The following ARHGEF33 variants were observed in gnomAD, a reference collection of about 807,000 sequenced individuals.
ARHGEF33 encodes the protein DH and coiled-coil domain-containing protein ENSP00000381780.
In ARHGEF33, 72 loss-of-function variants were observed where a neutral mutation model predicts 101.9. The ratio of observed to expected loss-of-function variants is 0.71; its 90% CI spans 0.58 to 0.86. The LOEUF (loss-of-function observed/expected upper bound fraction) is 0.86. ARHGEF33 is among the 40% of genes least tolerant of loss of function. ARHGEF33 has a pLI of 0.00. For synonymous variants in ARHGEF33, 499 were observed against 442.5 expected (o/e 1.13, Z -1.60); for missense variants, 1,169 against 1,111.3 (o/e 1.05, Z -0.74).
At chr2:38,972,904 T>C (rs1363938854) in intron 17 of ARHGEF33, 1 of 152,220 alleles carries the variant, frequency 6.6e-6, no homozygotes, top group East Asian at 1.9e-4. Context: ...ATATTGGTTC[T>C]TAGTGTCTGG....
chr2:38,958,273 C>T (rs1018351964), intron 15 of ARHGEF33, 75 bp downstream of exon 15: 211 of 1,507,998 alleles, frequency 1.4e-4, no homozygotes, highest in Admixed American at 2.2e-4. Flanking sequence ...GTTAGCAGGG[C>T]AGCCTAGATT....
chr2:38,934,159 CTGATAGTTTTTGGTACCCT>C (rs1424388042), intron 7 of ARHGEF33, among the ~76,000 whole-genome samples: 1 of 152,140 alleles, frequency 6.6e-6, no homozygotes, highest in Non-Finnish European at 1.5e-5. Flanking sequence ...CTTACCACTC[CTGATAGTTTTTGGTACCCT>C]TGATACCCAC....
chr2:38,950,979 C>A lies in ARHGEF33; in HGVS notation c.921-10C>A. 1 of 1,551,168 alleles carries A rather than the reference C, an allele frequency of 6.4e-7. No homozygotes were observed. Reference sequence around the variant, plus strand: ...TTGTTTGTGTGATTCCGTCTCTATTCTGTTTCAAGCCTCTTCCCTGGCTCT... The same window carrying A: ...TTGTTTGTGTGATTCCGTCTCTATTATGTTTCAAGCCTCTTCCCTGGCTCT... On this transcript the variant is annotated splice_polypyrimidine_tract_variant and intron_variant, in intron 10 of 17. Coordinates refer to ENST00000409978, the MANE Select transcript of ARHGEF33 (RefSeq NM_001145451.5).
intron 10 of ARHGEF33, among the ~76,000 whole-genome samples, chr2:38,946,262 A>G (rs1667448670): frequency 6.6e-6 from 1 of 152,070 alleles, no homozygotes; most frequent in African/African-American, 2.4e-5. Flanking sequence ...TATTTTTCTA[A>G]ATTGTTCTCT....
chr2:38,893,194 C>T (rs1030969699), intron 1 of ARHGEF33, among the ~76,000 whole-genome samples: 1 of 149,426 alleles, frequency 6.7e-6, no homozygotes, highest in African/African-American at 2.5e-5. Context: ...GACAAGGTCT[C>T]ACCCTGTTGC....
rs149230185 is a variant in ARHGEF33, at chr2:38,908,569, T to C, written c.-85-10794T>C. ...TTACTCTATCCTGACTGATCTTAGGTGAACAACAACAAAAATTAACATGCC... is the reference window on the plus strand; with the variant it reads ...TTACTCTATCCTGACTGATCTTAGGCGAACAACAACAAAAATTAACATGCC... On this transcript the variant is annotated intron_variant, in intron 2 of 17. Coordinates refer to ENST00000409978, the MANE Select transcript of ARHGEF33 (RefSeq NM_001145451.5). 2.9e-3 allele frequency among the ~76,000 whole-genome samples: 439 copies of C among 152,322 alleles called. 1 individual carries two copies. Among genetic ancestry groups the C allele is most frequent in the Non-Finnish European group, 5.1e-3 (345 of 68,034 alleles).
chr2:38,934,366 C>T (rs1401821494), intron 7 of ARHGEF33, among the ~76,000 whole-genome samples: 3 of 152,144 alleles, frequency 2.0e-5, no homozygotes, highest in African/African-American at 7.2e-5. Context: ...TCTCTTCAGA[C>T]TTATATTTTG....
At position 38,954,493 on chromosome 2, in the gene ARHGEF33, A is replaced by G. The variant is rs751637066; in HGVS notation, c.1221+37A>G. The G allele has an allele frequency of 1.1e-5, 14 of 1,251,408 alleles. 1 individual carries two copies. In the South Asian group the frequency reaches 1.4e-4, roughly 13 times the overall value. 77.5% of individuals were successfully genotyped at this position (1,251,408 alleles called of 1,614,324 possible). A position where few individuals can be genotyped will look rare whatever the true frequency, so the allele number is the denominator to read the frequency against. ...TGGGAAAGCCACCAAACTGATTTGC[A>G]TGCTAAGTAATTATTGGTTTTGGCT... On this transcript the variant is annotated intron_variant, in intron 13 of 17. Transcript: ENST00000409978.
chr2:38,930,354 C>CTT (rs879653317), intron 6 of ARHGEF33, among the ~76,000 whole-genome samples: 1 of 141,908 alleles, frequency 7.0e-6, no homozygotes, highest in Admixed American at 7.0e-5. Context: ...TCTTTCTTTT[C>CTT]TTTTTTTTTT....
At chr2:38,942,678 T>C (rs1465157705) in intron 9 of ARHGEF33, among the ~76,000 whole-genome samples, 1 of 152,186 alleles carries the variant, frequency 6.6e-6, no homozygotes, top group Non-Finnish European at 1.5e-5. Flanking sequence ...AAATTTTTAT[T>C]CTTTTGTATC....
intron 17 of ARHGEF33, among the ~76,000 whole-genome samples, chr2:38,971,030 A>G (rs1440951429): frequency 3.9e-5 from 6 of 152,184 alleles, no homozygotes; most frequent in South Asian, 2.1e-4. Flanking sequence ...ACCAGGGCTG[A>G]CTGACTGGCC....
At chr2:38,922,882 G>C (rs991191440) in intron 4 of ARHGEF33, among the ~76,000 whole-genome samples, 9 of 152,112 alleles carry the variant, frequency 5.9e-5, no homozygotes, top group South Asian at 2.1e-4. Context: ...TGTGGGCAGG[G>C]GGACTAGCTT....
chr2:38,898,418 C>T (rs963460145), intron 2 of ARHGEF33, among the ~76,000 whole-genome samples: 9 of 152,188 alleles, frequency 5.9e-5, no homozygotes, highest in African/African-American at 1.7e-4. Context: ...TCGCTCACTC[C>T]TGATTCAGCC....
intron 2 of ARHGEF33, among the ~76,000 whole-genome samples, chr2:38,906,474 C>T (rs1666393994): frequency 6.6e-6 from 1 of 152,152 alleles, no homozygotes; most frequent in African/African-American, 2.4e-5. Flanking sequence ...CCAAACTTTT[C>T]AGATGTGGTA....
At chr2:38,911,562 C>T (rs563301148) in intron 2 of ARHGEF33, among the ~76,000 whole-genome samples, 5 of 152,194 alleles carry the variant, frequency 3.3e-5, no homozygotes, top group Admixed American at 2.0e-4. Flanking sequence ...TTTCAGTATT[C>T]TTTAGGTTTC....
chr2:38,934,185 C>T (rs1243881164), intron 7 of ARHGEF33, among the ~76,000 whole-genome samples: 1 of 152,040 alleles, frequency 6.6e-6, no homozygotes, highest in African/African-American at 2.4e-5. Flanking sequence ...CCCTTGATAC[C>T]CACCTTCTTG....
At chr2:38,960,825 G>A (rs576249535) in intron 16 of ARHGEF33, among the ~76,000 whole-genome samples, 177 bp downstream of exon 16, 1 of 152,242 alleles carries the variant, frequency 6.6e-6, no homozygotes, top group African/African-American at 2.4e-5. Flanking sequence ...CCCGCGCCCT[G>A]CGAGCTGTAG....
chr2:38,956,541 G>A (rs562672050), intron 13 of ARHGEF33, among the ~76,000 whole-genome samples: 16 of 152,132 alleles, frequency 1.1e-4, no homozygotes, highest in Non-Finnish European at 1.9e-4. Flanking sequence ...GATGCCTGAC[G>A]TTCTCATCAT....
At chr2:38,938,117 AC>A (rs1667197401) in intron 9 of ARHGEF33, among the ~76,000 whole-genome samples, 1 of 152,228 alleles carries the variant, frequency 6.6e-6, no homozygotes, top group Non-Finnish European at 1.5e-5. Flanking sequence ...AAGAGCGCCA[AC>A]AACTTTAAAC....
Sources: allele counts gnomAD v4.1 joint callset (sites outside exome capture counted in the v4.1 genomes callset), GRCh38; gene constraint gnomAD v4.1.1; transcripts MANE v1.5; gene names NCBI Gene and HGNC (gene_info 2026-07-23, HGNC 2026-07-21).